ALX3: variants seen among roughly 807,000 people sequenced by gnomAD.
ALX3 encodes ALX homeobox 3, also known as homeobox protein aristaless-like 3.
In ALX3, 17 loss-of-function variants were observed where a neutral mutation model predicts 26.3. The observed-to-expected ratio is 0.65, with a 90% CI of 0.44 to 0.97. The LOEUF (loss-of-function observed/expected upper bound fraction) is 0.97, where lower values mean the gene tolerates loss of function less well. Among genes scored for constraint, ALX3 ranks in the 50% least tolerant of loss-of-function variants. The probability of loss-of-function intolerance (pLI) is 0.00; values close to 1 mark genes in which losing one functional copy is unlikely to be tolerated. For missense variants in ALX3, 461 were observed against 466.5 expected, an observed-to-expected ratio of 0.99 and a Z score of 0.11; for synonymous variants, 208 against 201.4, an observed-to-expected ratio of 1.03 and a Z score of -0.28.
In ALX3 at chr1:110,061,357, C is replaced by T. The variant is rs532494053; in HGVS notation, c.723+78G>A. ...TGTCATACAGAACGCTGACGCTCTC[C>T]AGGTTTCTTCAGGCCAGACCTCATA... On this transcript the variant is annotated intron_variant, in intron 3 of 3. Transcript: ENST00000647563. 1,232 of 1,606,998 alleles carry T rather than the reference C, an allele frequency of 7.7e-4. 13 individuals are homozygous for T. The South Asian group carries it at 8.1e-3, about 11-fold the overall frequency.
Position 110,068,169 on chromosome 1 carries a change from T to C in ALX3, c.277+2167A>G, listed in dbSNP as rs566441800. ...GAGAAGAGCGAGGTGCGCCAGGCTC[T>C]GGGGCGCGCAACTGCCCAGCCTCGT... is the stretch of plus-strand genomic sequence containing the variant. On this transcript the variant is annotated intron_variant, in intron 1 of 3. Coordinates refer to ENST00000647563, the MANE Select transcript of ALX3 (RefSeq NM_006492.3). Among the ~76,000 whole-genome samples, 11 of 152,324 alleles carry C rather than the reference T, an allele frequency of 7.2e-5. No individual in the cohort carries two copies. The South Asian group carries it at 1.0e-3, about 14-fold the overall frequency.
At chr1:110,069,183 C>G (rs1001663532) in intron 1 of ALX3, among the ~76,000 whole-genome samples, 4 of 152,256 alleles carry the variant, frequency 2.6e-5, no homozygotes, top group Admixed American at 1.3e-4. Context: ...AGGGCACAGA[C>G]ACGAAGCTCC....
chr1:110,066,837 G>T (rs1488963295), intron 1 of ALX3, among the ~76,000 whole-genome samples: 1 of 152,096 alleles, frequency 6.6e-6, no homozygotes. Flanking sequence ...CAGAAGAAGG[G>T]ACCAGATCTG....
intron 2 of ALX3, among the ~76,000 whole-genome samples, chr1:110,063,441 T>C (rs547655112): frequency 1.0e-3 from 153 of 152,290 alleles, no homozygotes; most frequent in African/African-American, 3.6e-3. Context: ...CAAGCCTCTC[T>C]CATCCTGTTG....
chr1:110,069,272 C>T (rs78256737), intron 1 of ALX3, among the ~76,000 whole-genome samples: 3,361 of 152,360 alleles, frequency 0.022, 134 homozygotes, highest in African/African-American at 0.077. Context: ...CCCGGCTGGG[C>T]GAAAGCCGGA....
At chr1:110,068,652 T>C (rs1653846222) in intron 1 of ALX3, among the ~76,000 whole-genome samples, 1 of 152,268 alleles carries the variant, frequency 6.6e-6, no homozygotes, top group Non-Finnish European at 1.5e-5. Context: ...CTTCTCTAGT[T>C]ATCCGTTTCG....
At position 110,060,700 on chromosome 1, in the gene ALX3, T is replaced by C. The variant is rs1268776633; in HGVS notation, c.*33A>G. On this transcript the variant is annotated 3_prime_UTR_variant, in exon 4 of 4. Transcript: ENST00000647563. ...GAGCGACTGGGAATGGAAAAAGAGG[T>C]GGGCAGCTCATTCTGCAGGTCCATG... is the stretch of plus-strand genomic sequence containing the variant. The C allele has an allele frequency of 7.7e-6, 12 of 1,566,148 alleles. No homozygotes were observed. Among genetic ancestry groups the C allele is most frequent in the Non-Finnish European group, 1.0e-5 (12 of 1,153,562 alleles).
At position 110,064,571 on chromosome 1, in the gene ALX3, C is replaced by T. The variant is rs749091463; in HGVS notation, c.594+16G>A. 1 of 1,613,798 alleles carries T rather than the reference C, an allele frequency of 6.2e-7. No individual in the cohort carries two copies. The highest frequency in any genetic ancestry group is 8.5e-7 in the Non-Finnish European group (1 of 1,179,952). ...ATAGGGGCAGCCAGAGAGCCCCATC[C>T]TTGCAGTGCCCTCACCTGTACCCGG... On this transcript the variant is annotated intron_variant, in intron 2 of 3. Coordinates refer to ENST00000647563, the MANE Select transcript of ALX3 (RefSeq NM_006492.3).
At chr1:110,061,079 C>G in intron 3 of ALX3, 38 bp from the exon 4 acceptor site, 2 of 1,573,672 alleles carry the variant, frequency 1.3e-6, no homozygotes, top group Non-Finnish European at 1.7e-6. Flanking sequence ...GAGCCTGTAG[C>G]CTCAGGAGCT....
chr1:110,060,820 G>A lies in ALX3; in HGVS notation c.945C>T (p.Ser315=). The change falls in exon 4 of 4, where the codon TCC becomes TCT. Residue 315 remains serine, a synonymous_variant. Coordinates refer to ENST00000647563, the MANE Select transcript of ALX3 (RefSeq NM_006492.3). ...TTGGAGACTTATAGTCACCATCTGA[G>A]GAAGGCTCAAAGCTGTGGCCCCCCA... ...PTLGGHSFEP[S]SDGDYKSPSL... The A allele has an allele frequency of 2.5e-6, 4 of 1,614,094 alleles. No homozygotes were observed. Among genetic ancestry groups the A allele is most frequent in the Non-Finnish European group, 3.4e-6 (4 of 1,180,012 alleles).
intron 1 of ALX3, among the ~76,000 whole-genome samples, chr1:110,068,120 G>A (rs1170628273): frequency 1.3e-5 from 2 of 152,244 alleles, no homozygotes; most frequent in Non-Finnish European, 2.9e-5. Context: ...GCCTGGGGCT[G>A]CGCGGGCGGC....
At chr1:110,062,285 ACTCACC>A (rs1653668231) in intron 2 of ALX3, 1 of 152,140 alleles carries the variant, frequency 6.6e-6, no homozygotes, top group Non-Finnish European at 1.5e-5. Context: ...CTCTCTTTGT[ACTCACC>A]CCATTCCATT....
At chr1:110,067,745 C>A (rs942134633) in intron 1 of ALX3, among the ~76,000 whole-genome samples, 2 of 152,256 alleles carry the variant, frequency 1.3e-5, no homozygotes, top group African/African-American at 4.8e-5. Flanking sequence ...GCAGAACTCG[C>A]TGAGGCCCAG....
chr1:110,061,973 G>A (rs1468501186), intron 2 of ALX3: 1 of 221,984 alleles, frequency 4.5e-6, no homozygotes, highest in African/African-American at 2.3e-5. Context: ...AGCATCCGAG[G>A]AATCTTAGAC....
At chr1:110,061,612 G>C in intron 2 of ALX3, 49 bp from the exon 3 acceptor site, 1 of 1,611,924 alleles carries the variant, frequency 6.2e-7, no homozygotes, top group Non-Finnish European at 8.5e-7. Context: ...CAGCCCTGAG[G>C]AAAGGAGCCT....
At position 110,060,384 on chromosome 1, in the gene ALX3, C is replaced by A; in HGVS notation, c.*349G>T. On this transcript the variant is annotated 3_prime_UTR_variant, in exon 4 of 4. Coordinates refer to ENST00000647563, the MANE Select transcript of ALX3 (RefSeq NM_006492.3). ...CGTTCTCCTCCCATTTTCCTGGGTT[C>A]CCTGAACGATGAGCCAAGTAAGCTG... The A allele has an allele frequency of 5.8e-6, 1 of 171,054 alleles. No homozygotes were observed. The highest frequency in any genetic ancestry group is 6.2e-5 in the Admixed American group (1 of 16,106). 10.6% of individuals were successfully genotyped at this position (171,054 alleles called of 1,614,324 possible).
intron 1 of ALX3, 117 bp downstream of exon 1, chr1:110,070,219 G>C (rs1022197508): frequency 1.7e-6 from 2 of 1,159,076 alleles, no homozygotes; most frequent in Non-Finnish European, 2.2e-6. Flanking sequence ...AGGCGAGAGG[G>C]GCAAAAAGTT....
rs778843001 is a variant in ALX3 at position 110,060,858 on chromosome 1, A to AGCCATG, written c.901_906dup (p.His301_Gly302dup). 1 of 1,613,972 alleles carries AGCCATG rather than the reference A, an allele frequency of 6.2e-7. No homozygotes were observed. Among genetic ancestry groups the AGCCATG allele is most frequent in the East Asian group, 2.2e-5 (1 of 44,860 alleles). Reference sequence around the variant, plus strand: ...CTGTGGCCCCCCAGGGTGGGGGGAAAGCCATGGATGGAGTAGATGCCAGGG... The same window carrying AGCCATG: ...CTGTGGCCCCCCAGGGTGGGGGGAAAGCCATGGCCATGGATGGAGTAGATGCCAGGG... On this transcript the variant is annotated inframe_insertion, in exon 4 of 4. Transcript: ENST00000647563.
At chr1:110,061,080 C>A in intron 3 of ALX3, 39 bp from the exon 4 acceptor site, 1 of 1,572,188 alleles carries the variant, frequency 6.4e-7, no homozygotes, top group Non-Finnish European at 8.6e-7. Flanking sequence ...AGCCTGTAGC[C>A]TCAGGAGCTG....
Sources: gnomAD v4.1 joint callset for allele counts (sites outside exome capture counted in the v4.1 genomes callset) on GRCh38, gnomAD v4.1.1 for gene constraint, MANE v1.5 for transcripts, NCBI Gene and HGNC (gene_info 2026-07-23, HGNC 2026-07-21) for gene names.